The following NMNAT2 variants were observed in gnomAD, a reference collection of about 807,000 sequenced individuals.
NMNAT2 encodes the protein nicotinamide nucleotide adenylyltransferase 2.
Under a neutral mutation model 41.6 loss-of-function variants are expected in NMNAT2, and 11 were observed. The observed-to-expected ratio is 0.26, with a 90% CI of 0.17 to 0.44. The LOEUF (loss-of-function observed/expected upper bound fraction) is 0.44, where lower values mean the gene tolerates loss of function less well. NMNAT2 is among the 20% of genes least tolerant of loss of function. The pLI, the probability that NMNAT2 is intolerant of heterozygous loss-of-function variation, is 1.00. For synonymous variants in NMNAT2, 148 were observed against 151.2 expected (o/e 0.98, Z 0.16); for missense variants, 288 against 407.7 (o/e 0.71, Z 2.53).
intron 3 of NMNAT2, among the ~76,000 whole-genome samples, chr1:183,291,239 T>A (rs1174895431): frequency 2.0e-5 from 3 of 151,976 alleles, no homozygotes; most frequent in Non-Finnish European, 4.4e-5. Context: ...TTCTTAGCAG[T>A]CATGCATCCC....
intron 1 of NMNAT2, among the ~76,000 whole-genome samples, chr1:183,336,827 T>C (rs564439918): frequency 3.3e-5 from 5 of 152,224 alleles, no homozygotes; most frequent in South Asian, 4.2e-4. Context: ...CAATAGGAAA[T>C]TGGAGAAATA....
At chr1:183,341,750 T>TAAAAAAAAAAAAAAAAAAAAAAAAAA (rs1662821390) in intron 1 of NMNAT2, among the ~76,000 whole-genome samples, 1 of 33,482 alleles carries the variant, frequency 3.0e-5, no homozygotes. Context: ...AAAAAAAACC[T>TAAAAAAAAAAAAAAAAAAAAAAAAAA]GTTTCCTTCA....
chr1:183,326,103 C>T (rs376335468), intron 1 of NMNAT2, among the ~76,000 whole-genome samples: 8 of 152,158 alleles, frequency 5.3e-5, no homozygotes, highest in African/African-American at 1.4e-4. Flanking sequence ...AGGCCAGGCA[C>T]GGTGGCTCAT....
chr1:183,291,857 T>C (rs1208463800), intron 3 of NMNAT2, among the ~76,000 whole-genome samples: 1 of 152,212 alleles, frequency 6.6e-6, no homozygotes, highest in African/African-American at 2.4e-5. Context: ...GCTTTATCTT[T>C]AGGGGGATAA....
In NMNAT2 at chr1:183,398,279, A is replaced by C. The variant is rs1291772492; in HGVS notation, c.85+19904T>G. ...TGCAATCCTAGTCTCTGATAAAACAAACTTTAAACCAACAAAGATCAAAAG... is the reference window on the plus strand; with the variant it reads ...TGCAATCCTAGTCTCTGATAAAACACACTTTAAACCAACAAAGATCAAAAG... On this transcript the variant is annotated intron_variant, in intron 1 of 10. Transcript: ENST00000287713. 3.9e-5 allele frequency among the ~76,000 whole-genome samples: 6 copies of C among 152,096 alleles called. No individual in the cohort carries two copies. The East Asian group carries it at 9.7e-4, about 25-fold the overall frequency.
At chr1:183,263,343 A>C (rs1266031734) in intron 8 of NMNAT2, among the ~76,000 whole-genome samples, 1 of 152,232 alleles carries the variant, frequency 6.6e-6, no homozygotes, top group Non-Finnish European at 1.5e-5. Context: ...TTGTCTTATA[A>C]ACCAGAAATG....
In NMNAT2 at chr1:183,309,711, A is replaced by G. The variant is rs73046167; in HGVS notation, c.86-15918T>C. 7.2e-3 allele frequency among the ~76,000 whole-genome samples: 1,092 copies of G among 152,294 alleles called. 13 individuals are homozygous for G. Among genetic ancestry groups the G allele is most frequent in the African/African-American group, 0.025 (1,053 of 41,550 alleles). On this transcript the variant is annotated intron_variant, in intron 1 of 10. Coordinates refer to ENST00000287713, the MANE Select transcript of NMNAT2 (RefSeq NM_015039.4). ...TGGTTTTATCTCATTGGTTTATGAA[A>G]TGGATGGCAGCACTGTCCCCCCAAG...
At chr1:183,361,941 T>C (rs1663315101) in intron 1 of NMNAT2, among the ~76,000 whole-genome samples, 1 of 152,182 alleles carries the variant, frequency 6.6e-6, no homozygotes, top group Non-Finnish European at 1.5e-5. Flanking sequence ...GATAACTTTA[T>C]TTGTTTATTT....
rs759208917 is a variant in NMNAT2 at position 183,341,747 on chromosome 1, AC to A, written c.86-47955del. ...CACCAAAAAAAAAAAAAAAAAAAAA[AC>A]CTGTTTCCTTCACTCCAGGTTACTT... On this transcript the variant is annotated intron_variant, in intron 1 of 10. Transcript: ENST00000287713. 6.0e-4 allele frequency among the ~76,000 whole-genome samples: 86 copies of A among 143,126 alleles called. 11 individuals are homozygous for A. The highest frequency in any genetic ancestry group is 1.3e-3 in the Admixed American group (18 of 14,108). The allele number at this position is 143,126 out of a possible 152,430, so 93.9% of individuals were successfully genotyped here.
chr1:183,362,735 G>A (rs776175225), intron 1 of NMNAT2, among the ~76,000 whole-genome samples: 1 of 152,114 alleles, frequency 6.6e-6, no homozygotes, highest in Non-Finnish European at 1.5e-5. Flanking sequence ...CATCATGTAC[G>A]AGTTTTAGTG....
intron 1 of NMNAT2, among the ~76,000 whole-genome samples, chr1:183,362,406 T>C (rs1308158960): frequency 6.6e-6 from 1 of 152,146 alleles, no homozygotes; most frequent in East Asian, 1.9e-4. Flanking sequence ...TATCCCTTAG[T>C]AGTGATTTGC....
At chr1:183,291,581 A>C (rs1661541323) in intron 3 of NMNAT2, among the ~76,000 whole-genome samples, 1 of 152,192 alleles carries the variant, frequency 6.6e-6, no homozygotes, top group Middle Eastern at 3.2e-3. Flanking sequence ...GTAGGCACTC[A>C]GTAGATAGTT....
intron 1 of NMNAT2, among the ~76,000 whole-genome samples, chr1:183,376,392 G>A (rs1663680081): frequency 6.6e-6 from 1 of 152,176 alleles, no homozygotes; most frequent in Non-Finnish European, 1.5e-5. Context: ...ATGAGTGATG[G>A]CTGAGTGCTT....
chr1:183,321,059 T>G (rs1411394), intron 1 of NMNAT2, among the ~76,000 whole-genome samples: 109,844 of 152,072 alleles, frequency 0.72, 39,851 homozygotes, highest in East Asian at 0.92. Flanking sequence ...ATAAAATTGG[T>G]TTAATAAGAA....
In NMNAT2 at chr1:183,418,304, C is replaced by T. The variant is rs1271556465; in HGVS notation, c.-37G>A. 6.3e-7 allele frequency: 1 copy of T among 1,595,666 alleles called. No individual in the cohort carries two copies. The highest frequency in any genetic ancestry group is 8.6e-7 in the Non-Finnish European group (1 of 1,163,824). On this transcript the variant is annotated 5_prime_UTR_variant, in exon 1 of 11. Coordinates refer to ENST00000287713, the MANE Select transcript of NMNAT2 (RefSeq NM_015039.4). ...GTCCTTCGCGGTGGTCTAGGGGTTG[C>T]CTCTCTTTTTGTGTCTCGTTGTGTC...
chr1:183,368,626 A>G (rs532191773), intron 1 of NMNAT2, among the ~76,000 whole-genome samples: 4 of 152,282 alleles, frequency 2.6e-5, no homozygotes, highest in East Asian at 3.9e-4. Flanking sequence ...GCCACTAGCC[A>G]TTCCTGATCT....
intron 10 of NMNAT2, among the ~76,000 whole-genome samples, chr1:183,259,500 T>G (rs1353575300): frequency 6.6e-6 from 1 of 152,100 alleles, no homozygotes; most frequent in Non-Finnish European, 1.5e-5. Flanking sequence ...TCCAGTGGTT[T>G]CTAACTGCCT....
chr1:183,396,879 G>C (rs748647621), intron 1 of NMNAT2, among the ~76,000 whole-genome samples: 6 of 152,138 alleles, frequency 3.9e-5, no homozygotes, highest in Non-Finnish European at 5.9e-5. Flanking sequence ...CAAGAATTGA[G>C]GTTGCTGCAG....
intron 6 of NMNAT2, among the ~76,000 whole-genome samples, chr1:183,284,284 C>T (rs924412658): frequency 1.8e-4 from 27 of 152,218 alleles, no homozygotes; most frequent in Non-Finnish European, 3.7e-4. Context: ...GACAGCCTGG[C>T]TGGGGAGCCA....
Sources: gnomAD v4.1 joint callset for allele counts (sites outside exome capture counted in the v4.1 genomes callset) on GRCh38, gnomAD v4.1.1 for gene constraint, MANE v1.5 for transcripts, NCBI Gene and HGNC (gene_info 2026-07-23, HGNC 2026-07-21) for gene names.